Variants in ATP8A2 observed in about 807,000 individuals in gnomAD.
The protein encoded by ATP8A2 is ATPase phospholipid transporting 8A2, also known as phospholipid-transporting ATPase IB.
In ATP8A2, 100 loss-of-function variants were observed where a neutral mutation model predicts 165.6. The ratio of observed to expected loss-of-function variants is 0.60; its 90% CI spans 0.51 to 0.71. The LOEUF (loss-of-function observed/expected upper bound fraction) is 0.71, where lower values mean the gene tolerates loss of function less well. ATP8A2 is among the 30% of genes least tolerant of loss of function. The pLI is 0.00. For synonymous variants in ATP8A2, 543 were observed against 548.8 expected, an observed-to-expected ratio of 0.99 and a Z score of 0.15; for missense variants, 1,227 against 1,479.5, an observed-to-expected ratio of 0.83 and a Z score of 2.80.
At chr13:25,444,296 C>T (rs2035012835) in intron 1 of ATP8A2, among the ~76,000 whole-genome samples, 2 of 152,162 alleles carry the variant, frequency 1.3e-5, no homozygotes, top group Admixed American at 1.3e-4. Context: ...ATCCATTTCC[C>T]TGCTGATGGA....
At chr13:25,663,847 A>G (rs1593160313) in intron 24 of ATP8A2, among the ~76,000 whole-genome samples, 1 of 152,210 alleles carries the variant, frequency 6.6e-6, no homozygotes, top group African/African-American at 2.4e-5. Context: ...CCATTGTCAA[A>G]CCTGTAACTT....
chr13:25,768,341 G>T (rs910534878), intron 25 of ATP8A2, among the ~76,000 whole-genome samples: 1 of 152,154 alleles, frequency 6.6e-6, no homozygotes. Context: ...AAGCTTGGCC[G>T]CCATCTTGGA....
chr13:25,572,192 T>C (rs1399283529), intron 18 of ATP8A2, among the ~76,000 whole-genome samples: 1 of 152,160 alleles, frequency 6.6e-6, no homozygotes, highest in African/African-American at 2.4e-5. Flanking sequence ...TAGAGTGCAG[T>C]GGTGCAATCT....
Position 25,837,298 on chromosome 13 carries a change from T to A in ATP8A2, c.2877+13T>A. 2 of 1,613,792 alleles carry A rather than the reference T, an allele frequency of 1.2e-6. No homozygotes were observed. The highest frequency in any genetic ancestry group is 1.7e-6 in the Non-Finnish European group (2 of 1,179,812). ...CTTCAACACAAAGGTAAACAGAGTG[T>A]GATCTCAGAACTGTCACCTCAGAAA... On this transcript the variant is annotated intron_variant, in intron 29 of 36. Transcript: ENST00000381655.
chr13:25,385,475 C>G (rs2033007370), intron 1 of ATP8A2, among the ~76,000 whole-genome samples: 1 of 152,182 alleles, frequency 6.6e-6, no homozygotes, highest in Admixed American at 6.5e-5. Flanking sequence ...GCACTTCACA[C>G]TATCTGAAAC....
chr13:25,911,322 T>G (rs2138993210), intron 33 of ATP8A2, among the ~76,000 whole-genome samples: 1 of 152,320 alleles, frequency 6.6e-6, no homozygotes, highest in Non-Finnish European at 1.5e-5. Context: ...ATGGGATAAT[T>G]GACCCTCAGC....
chr13:25,554,195 T>A (rs941843041), intron 12 of ATP8A2, among the ~76,000 whole-genome samples: 4 of 152,298 alleles, frequency 2.6e-5, no homozygotes, highest in Middle Eastern at 3.4e-3. Flanking sequence ...GCACCTGCTA[T>A]TCACGCTTTT....
At chr13:25,423,864 A>T (rs368369390) in intron 1 of ATP8A2, among the ~76,000 whole-genome samples, 89 of 152,318 alleles carry the variant, frequency 5.8e-4, no homozygotes, top group African/African-American at 2.1e-3. Flanking sequence ...TAAGGAATCT[A>T]CAAGCCAGTG....
Position 25,889,275 on chromosome 13 carries a change from A to ATATATATATAT in ATP8A2, c.3183+26867_3183+26868insTATATATATAT, listed in dbSNP as rs1566239890. Among the ~76,000 whole-genome samples, 206 of 84,858 alleles carry ATATATATATAT rather than the reference A, an allele frequency of 2.4e-3. 3 individuals are homozygous for ATATATATATAT. The highest frequency in any genetic ancestry group is 0.013 in the African/African-American group (188 of 14,922). The allele number at this position is 84,858 out of a possible 152,430, so 55.7% of individuals were successfully genotyped here. The stretch of plus-strand genomic sequence containing the variant: ...ATATATATATATATATATATATATA[A>ATATATATATAT]AATTTAAATGATTTTAAAAAATAAT... On this transcript the variant is annotated intron_variant, in intron 33 of 36. Transcript: ENST00000381655.
chr13:25,618,077 A>C (rs934842278), intron 24 of ATP8A2, among the ~76,000 whole-genome samples: 2 of 152,178 alleles, frequency 1.3e-5, no homozygotes, highest in African/African-American at 4.8e-5. Context: ...ATTCTGAAGA[A>C]CATAAGCTAT....
intron 25 of ATP8A2, among the ~76,000 whole-genome samples, chr13:25,735,960 C>T (rs951012077): frequency 3.9e-5 from 6 of 152,112 alleles, no homozygotes; most frequent in South Asian, 2.1e-4. Context: ...GTGCTCTATA[C>T]GCGACTACTA....
chr13:25,975,367 A>T (rs55982579), intron 35 of ATP8A2, among the ~76,000 whole-genome samples: 53 of 152,050 alleles, frequency 3.5e-4, no homozygotes, highest in Admixed American at 6.6e-4. Flanking sequence ...AGGTCAGGAG[A>T]TGGAGACCAT....
intron 2 of ATP8A2, among the ~76,000 whole-genome samples, chr13:25,515,537 C>A (rs1383114724): frequency 6.6e-6 from 1 of 152,250 alleles, no homozygotes; most frequent in Non-Finnish European, 1.5e-5. Context: ...GAGGCATGTT[C>A]AACTTGTCTG....
intron 33 of ATP8A2, among the ~76,000 whole-genome samples, chr13:25,934,886 A>T (rs1450104847): frequency 6.6e-6 from 1 of 152,214 alleles, no homozygotes; most frequent in Non-Finnish European, 1.5e-5. Context: ...GCTGAAGTGC[A>T]GGCTGCTGGT....
intron 4 of ATP8A2, among the ~76,000 whole-genome samples, chr13:25,531,468 T>TTA (rs1192537293): frequency 1.3e-4 from 19 of 141,600 alleles, no homozygotes; most frequent in South Asian, 8.6e-4. Flanking sequence ...TATATATATG[T>TTA]TATATATATA....
intron 24 of ATP8A2, among the ~76,000 whole-genome samples, chr13:25,666,392 T>C (rs1446839340): frequency 6.6e-6 from 1 of 151,642 alleles, no homozygotes; most frequent in Non-Finnish European, 1.5e-5. Flanking sequence ...TGTGTGTGTG[T>C]GTGTATGTAT....
At chr13:25,659,189 G>A (rs76786043) in intron 24 of ATP8A2, among the ~76,000 whole-genome samples, 5 of 152,264 alleles carry the variant, frequency 3.3e-5, no homozygotes, top group African/African-American at 7.2e-5. Flanking sequence ...CGTTTGATTC[G>A]AGTTACAGAT....
chr13:26,008,815 A>G (rs920526168), intron 35 of ATP8A2, among the ~76,000 whole-genome samples: 1 of 152,204 alleles, frequency 6.6e-6, no homozygotes, highest in Admixed American at 6.5e-5. Context: ...AAGTGTTTGC[A>G]TTATTGAAGA....
intron 24 of ATP8A2, among the ~76,000 whole-genome samples, chr13:25,609,563 A>ATTCAAATATATATATATATATTTGGG (rs776674405): frequency 2.7e-4 from 38 of 139,280 alleles, no homozygotes; most frequent in South Asian, 4.4e-4. Flanking sequence ...ATATATTTGG[A>ATTCAAATATATATATATATATTTGGG]TTCAAATATA....
Sources: gnomAD v4.1 joint callset for allele counts (sites outside exome capture counted in the v4.1 genomes callset) on GRCh38, gnomAD v4.1.1 for gene constraint, MANE v1.5 for transcripts, NCBI Gene and HGNC (gene_info 2026-07-23, HGNC 2026-07-21) for gene names.